Variants in GRIA2 observed in about 807,000 individuals in gnomAD.
GRIA2 encodes glutamate receptor 2.
GRIA2 carries 14 observed loss-of-function variants against 97.3 expected under a neutral mutation model. The ratio of observed to expected loss-of-function variants is 0.14; its 90% CI spans 0.10 to 0.23. The LOEUF is 0.23. Among genes scored for constraint, GRIA2 ranks in the 10% least tolerant of loss-of-function variants. GRIA2 has a pLI of 1.00. For missense variants in GRIA2, 558 were observed against 1,069.8 expected, an observed-to-expected ratio of 0.52 and a Z score of 6.67; for synonymous variants, 412 against 387.8, an observed-to-expected ratio of 1.06 and a Z score of -0.73.
intron 12 of GRIA2, among the ~76,000 whole-genome samples, chr4:157,350,931 CTT>C (rs1240937135): frequency 1.6e-4 from 19 of 117,492 alleles, no homozygotes; most frequent in East Asian, 2.5e-4. Context: ...TTAGTTTTTT[CTT>C]TTTTTTTTTT....
intron 2 of GRIA2, among the ~76,000 whole-genome samples, chr4:157,290,659 T>A (rs1333950965): frequency 6.6e-6 from 1 of 151,900 alleles, no homozygotes; most frequent in African/African-American, 2.4e-5. Flanking sequence ...AGATCCATTG[T>A]CATCCTTATT....
intron 2 of GRIA2, among the ~76,000 whole-genome samples, chr4:157,260,698 T>C (rs970415203): frequency 5.3e-5 from 8 of 152,104 alleles, no homozygotes; most frequent in Admixed American, 2.0e-4. Flanking sequence ...GCTATCACTT[T>C]GGAAAAAAAG....
intron 14 of GRIA2, chr4:157,362,586 G>A (rs182215525): frequency 2.2e-5 from 13 of 602,614 alleles, no homozygotes; most frequent in Admixed American, 1.6e-4. Context: ...GCAGGTAGTC[G>A]ATTGAGTCCA....
At chr4:157,231,282 G>T (rs1347277577) in intron 2 of GRIA2, among the ~76,000 whole-genome samples, 1 of 152,002 alleles carries the variant, frequency 6.6e-6, no homozygotes, top group Non-Finnish European at 1.5e-5. Flanking sequence ...CAGGCAATCC[G>T]CCCACCTCGG....
intron 6 of GRIA2, among the ~76,000 whole-genome samples, chr4:157,326,757 T>A (rs1734819061): frequency 6.6e-6 from 1 of 152,180 alleles, no homozygotes; most frequent in Non-Finnish European, 1.5e-5. Flanking sequence ...TGCTGAGAAA[T>A]CATACTTTAG....
chr4:157,287,875 C>T (rs1732915867), intron 2 of GRIA2, among the ~76,000 whole-genome samples: 1 of 151,556 alleles, frequency 6.6e-6, no homozygotes, highest in Non-Finnish European at 1.5e-5. Flanking sequence ...CTTCAATGTC[C>T]TGCCTAACAT....
In GRIA2 at chr4:157,336,669, C is replaced by G; in HGVS notation, c.1766C>G (p.Thr589Ser). ...AGAGAAACACAAAGTAGTGAATCAA[C>G]TAATGAATTTGGGATTTTTAATAGT... is the stretch of plus-strand genomic sequence containing the variant. ...DGRETQSSES[T>S]NEFGIFNSLW... Residue 589 changes from threonine (T) to serine (S), a missense_variant, in exon 11 of 16, where the codon ACT (threonine) becomes AGT (serine). By Grantham distance (58) the Thr-to-Ser change is moderately conservative. This residue lies in a region of GRIA2 where 125 missense variants were observed against 310.2 expected (regional missense o/e 0.40). Coordinates refer to ENST00000264426, the MANE Select transcript of GRIA2 (RefSeq NM_001083619.3). 1 of 1,612,952 alleles carries G rather than the reference C, an allele frequency of 6.2e-7. No individual in the cohort carries two copies. Among genetic ancestry groups the G allele is most frequent in the Non-Finnish European group, 8.5e-7 (1 of 1,179,180 alleles).
intron 9 of GRIA2, chr4:157,334,915 A>T (rs755848395): frequency 5.3e-5 from 8 of 152,194 alleles, no homozygotes; most frequent in Non-Finnish European, 1.2e-4. Context: ...ATCTCTTGAT[A>T]AGTGCAAATT....
intron 11 of GRIA2, among the ~76,000 whole-genome samples, chr4:157,338,141 T>C (rs1348495586): frequency 1.3e-5 from 2 of 150,746 alleles, no homozygotes; most frequent in South Asian, 2.1e-4. Context: ...GTTAAAGATA[T>C]ACAGAGAAGT....
At chr4:157,261,731 T>C (rs749296027) in intron 2 of GRIA2, among the ~76,000 whole-genome samples, 18 of 152,276 alleles carry the variant, frequency 1.2e-4, no homozygotes, top group Non-Finnish European at 2.1e-4. Flanking sequence ...GCTCAGTTGC[T>C]TATTATCTTT....
chr4:157,263,684 G>A (rs1017586949), intron 2 of GRIA2, among the ~76,000 whole-genome samples: 19 of 152,110 alleles, frequency 1.2e-4, no homozygotes, highest in African/African-American at 4.6e-4. Context: ...GTGTTGAGTT[G>A]GCTGCCTTGG....
intron 2 of GRIA2, among the ~76,000 whole-genome samples, chr4:157,236,079 G>A (rs995706040): frequency 1.3e-5 from 2 of 151,936 alleles, no homozygotes; most frequent in African/African-American, 4.8e-5. Context: ...GAAAAAAGTT[G>A]ATGCAGCTTT....
Position 157,341,307 on chromosome 4 carries a change from A to G in GRIA2, c.1888A>G (p.Thr630Ala), listed in dbSNP as rs1735537858. The change falls in exon 12 of 16, where the codon ACC (threonine) becomes GCC (alanine). Residue 630 changes from threonine (T) to alanine (A), a missense_variant. By Grantham distance (58) the Thr-to-Ala change is moderately conservative. Around this residue, in one of 8 missense-constraint regions of GRIA2, gnomAD observed 125 missense variants for 310.2 expected, o/e 0.40. Coordinates refer to ENST00000264426, the MANE Select transcript of GRIA2 (RefSeq NM_001083619.3). ...RIVGGVWWFFTLIIISSYTAN... is the reference protein window; with the variant it reads ...RIVGGVWWFFALIIISSYTAN... ...TGTTGGAGGTGTGTGGTGGTTCTTT[A>G]CCCTGATCATAATCTCCTCCTACAC... is the stretch of plus-strand genomic sequence containing the variant. 1 of 1,613,028 alleles carries G rather than the reference A, an allele frequency of 6.2e-7. No individual in the cohort carries two copies. Among genetic ancestry groups the G allele is most frequent in the Admixed American group, 1.7e-5 (1 of 59,928 alleles).
chr4:157,356,079 T>TTATTTATATA lies in GRIA2; in HGVS notation c.2044-3805_2044-3796dup, dbSNP rs1311585380. ...TATATATTTATATATTTATATTTAT[T>TTATTTATATA]TATTTATATATATTTATATATTTAT... is the stretch of plus-strand genomic sequence containing the variant. On this transcript the variant is annotated intron_variant, in intron 12 of 15. Transcript: ENST00000264426. Among the ~76,000 whole-genome samples, 26 of 50,694 alleles carry TTATTTATATA rather than the reference T, an allele frequency of 5.1e-4. 1 individual carries two copies. Among genetic ancestry groups the TTATTTATATA allele is most frequent in the South Asian group, 4.3e-3 (3 of 698 alleles). 33.3% of individuals were successfully genotyped at this position (50,694 alleles called of 152,430 possible).
rs963043410 is a variant in GRIA2, at chr4:157,240,713, T to C, written c.229+18906T>C. Among the ~76,000 whole-genome samples the C allele has an allele frequency of 4.6e-5, 7 of 151,638 alleles. 1 individual carries two copies. The highest frequency in any genetic ancestry group is 4.6e-4 in the Admixed American group (7 of 15,234). ...CCTTAAGTTACTTTCTTTTTTTTTT[T>C]CTTTTATTTTTATACTTTACATTTT... is the stretch of plus-strand genomic sequence containing the variant. On this transcript the variant is annotated intron_variant, in intron 2 of 15. Coordinates refer to ENST00000264426, the MANE Select transcript of GRIA2 (RefSeq NM_001083619.3).
chr4:157,278,792 T>TA (rs34466779), intron 2 of GRIA2, among the ~76,000 whole-genome samples: 9 of 151,110 alleles, frequency 6.0e-5, no homozygotes, highest in Non-Finnish European at 1.2e-4. Context: ...ATAACCTGAA[T>TA]AAAAAAAAAT....
Position 157,261,164 on chromosome 4 carries a change from G to C in GRIA2, c.229+39357G>C, listed in dbSNP as rs78609684. ...CACAATCGTGGCAAAGGTGAAGGACGAGCAAAGGCACATCTTACATGGCGG... is the reference window on the plus strand; with the variant it reads ...CACAATCGTGGCAAAGGTGAAGGACCAGCAAAGGCACATCTTACATGGCGG... On this transcript the variant is annotated intron_variant, in intron 2 of 15. Transcript: ENST00000264426. Among the ~76,000 whole-genome samples, 207 of 152,146 alleles carry C rather than the reference G, an allele frequency of 1.4e-3. 1 individual carries two copies. Among genetic ancestry groups the C allele is most frequent in the African/African-American group, 4.9e-3 (203 of 41,530 alleles).
intron 5 of GRIA2, among the ~76,000 whole-genome samples, chr4:157,318,141 G>T (rs1334153607): frequency 2.0e-5 from 3 of 151,958 alleles, no homozygotes; most frequent in African/African-American, 7.3e-5. Context: ...TTCATAAATT[G>T]TCTTAGATGC....
intron 2 of GRIA2, among the ~76,000 whole-genome samples, chr4:157,249,232 C>A (rs1385675019): frequency 6.6e-6 from 1 of 152,088 alleles, no homozygotes; most frequent in Non-Finnish European, 1.5e-5. Flanking sequence ...ACTTTATGAA[C>A]CTCCAGAGCC....
Sources: gnomAD v4.1 joint callset for allele counts (sites outside exome capture counted in the v4.1 genomes callset) on GRCh38, gnomAD v4.1.1 for gene constraint, gnomAD v4.1.1 regional missense constraint, MANE v1.5 for transcripts, NCBI Gene and HGNC (gene_info 2026-07-23, HGNC 2026-07-21) for gene names.